The following PTPRG variants were observed in gnomAD, a reference collection of about 807,000 sequenced individuals.
PTPRG encodes receptor-type tyrosine-protein phosphatase gamma.
PTPRG carries 102 observed loss-of-function variants against 165.3 expected under a neutral mutation model. The ratio of observed to expected loss-of-function variants is 0.62; its 90% CI spans 0.53 to 0.73. The LOEUF (loss-of-function observed/expected upper bound fraction) is 0.73. Ranked by LOEUF, PTPRG falls within the 30% of genes least tolerant of loss-of-function variation. PTPRG has a pLI of 0.00. For missense variants in PTPRG, 1,866 were observed against 1,861.4 expected, an observed-to-expected ratio of 1.00 and a Z score of -0.05; for synonymous variants, 675 against 669.5, an observed-to-expected ratio of 1.01 and a Z score of -0.13.
At chr3:62,272,769 G>A (rs960946536) in intron 21 of PTPRG, among the ~76,000 whole-genome samples, 177 bp from the exon 22 acceptor site, 1 of 152,030 alleles carries the variant, frequency 6.6e-6, no homozygotes, top group East Asian at 1.9e-4. Flanking sequence ...ACTGGGAGGC[G>A]GAGGTTGCAG....
chr3:61,880,735 A>G (rs1007166588), intron 2 of PTPRG, among the ~76,000 whole-genome samples: 6 of 151,890 alleles, frequency 4.0e-5, no homozygotes, highest in African/African-American at 1.2e-4. Flanking sequence ...TGAAATGTTT[A>G]GCCAGAAATC....
In PTPRG at chr3:62,245,136, G is replaced by A. The variant is rs1701261468; in HGVS notation, c.2467+1238G>A. 6.6e-6 allele frequency among the ~76,000 whole-genome samples: 1 copy of A among 152,152 alleles called. No homozygotes were observed. Among genetic ancestry groups the A allele is most frequent in the African/African-American group, 2.4e-5 (1 of 41,432 alleles). On this transcript the variant is annotated intron_variant, in intron 15 of 29. Coordinates refer to ENST00000474889, the MANE Select transcript of PTPRG (RefSeq NM_002841.4). The surrounding 1 kb of genome is among the most constrained non-coding windows in gnomAD (Gnocchi z 4.2). ...GAAAGTCTCTGATTAACTTCCTGTT[G>A]GAGCATTTTGTGGCTGCTAAACTAA...
At chr3:62,096,329 C>T (rs918541174) in intron 5 of PTPRG, among the ~76,000 whole-genome samples, 1 of 152,142 alleles carries the variant, frequency 6.6e-6, no homozygotes, top group Admixed American at 6.5e-5. Flanking sequence ...AAATGCTGCT[C>T]ACTATCAGGT....
chr3:61,969,842 G>C (rs1303522921), intron 2 of PTPRG, among the ~76,000 whole-genome samples: 1 of 152,150 alleles, frequency 6.6e-6, no homozygotes, highest in African/African-American at 2.4e-5. Flanking sequence ...CCCTTGGAAA[G>C]CTGCACTGGG....
In PTPRG at chr3:62,213,649, G is replaced by A. The variant is rs1247814657; in HGVS notation, c.2156-5202G>A. ...ACTCAGGTCTGCCTGAGTCTGGGGT[G>A]CAGAATTGCCCATCTTGTGGCACGC... On this transcript the variant is annotated intron_variant, in intron 12 of 29. Transcript: ENST00000474889. This position sits in a 1 kb window ranked among gnomAD's most constrained non-coding sequence, Gnocchi z 4.4. 2.0e-5 allele frequency among the ~76,000 whole-genome samples: 3 copies of A among 152,162 alleles called. No individual in the cohort carries two copies. The highest frequency in any genetic ancestry group is 4.4e-5 in the Non-Finnish European group (3 of 68,032).
intron 6 of PTPRG, among the ~76,000 whole-genome samples, chr3:62,137,810 A>G (rs1483095552): frequency 6.6e-6 from 1 of 152,238 alleles, no homozygotes; most frequent in Non-Finnish European, 1.5e-5. Context: ...GTTGCATAGA[A>G]TAAGAGAAGA....
At chr3:61,653,903 G>GGGGA (rs56696186) in intron 1 of PTPRG, among the ~76,000 whole-genome samples, 2 of 137,920 alleles carry the variant, frequency 1.5e-5, no homozygotes, top group Admixed American at 7.4e-5. Context: ...GAGCGGTGGG[G>GGGGA]GGCGCGGGGA....
intron 1 of PTPRG, among the ~76,000 whole-genome samples, chr3:61,597,452 T>A (rs1032318072): frequency 6.6e-6 from 1 of 152,230 alleles, no homozygotes; most frequent in African/African-American, 2.4e-5. Context: ...CCTGACTGCA[T>A]ATTTGATGGA....
intron 4 of PTPRG, among the ~76,000 whole-genome samples, chr3:62,017,462 C>T (rs1260801503): frequency 2.0e-5 from 3 of 151,008 alleles, no homozygotes; most frequent in Non-Finnish European, 4.4e-5. Flanking sequence ...TTCGCCCAGG[C>T]TGGAGTGCAG....
chr3:61,712,994 C>T (rs1182251284), intron 1 of PTPRG, among the ~76,000 whole-genome samples: 1 of 152,050 alleles, frequency 6.6e-6, no homozygotes, highest in Admixed American at 6.6e-5. Flanking sequence ...TAGTAACATA[C>T]CAACTTCAGG....
At chr3:62,186,698 T>G (rs1699646592) in intron 8 of PTPRG, among the ~76,000 whole-genome samples, 2 of 151,688 alleles carry the variant, frequency 1.3e-5, no homozygotes, top group African/African-American at 2.4e-5. Flanking sequence ...CCTGAGTAGC[T>G]GGGACTATAG....
chr3:62,130,631 T>C (rs928085425), intron 5 of PTPRG, among the ~76,000 whole-genome samples: 3 of 152,178 alleles, frequency 2.0e-5, no homozygotes, highest in African/African-American at 7.2e-5. Flanking sequence ...GGATCCTTAT[T>C]TTATTCTATT....
intron 8 of PTPRG, among the ~76,000 whole-genome samples, 157 bp from the exon 9 acceptor site, chr3:62,191,302 TTCTCCCTCTC>T (rs1226639896): frequency 6.6e-6 from 1 of 151,936 alleles, no homozygotes; most frequent in African/African-American, 2.4e-5. Flanking sequence ...GAGAACAATG[TTCTCCCTCTC>T]TCTCTACACA....
chr3:61,630,418 A>G (rs1442457282), intron 1 of PTPRG, among the ~76,000 whole-genome samples: 1 of 152,236 alleles, frequency 6.6e-6, no homozygotes, highest in Non-Finnish European at 1.5e-5. Context: ...CGTTTAAAGC[A>G]CTAAACTGTA....
chr3:62,010,210 G>A (rs79782720), intron 4 of PTPRG, among the ~76,000 whole-genome samples: 8,520 of 152,238 alleles, frequency 0.056, 298 homozygotes, highest in African/African-American at 0.1. Context: ...GAGCCACCAT[G>A]CCTGGCCTGG....
intron 27 of PTPRG, among the ~76,000 whole-genome samples, 159 bp from the exon 28 acceptor site, chr3:62,282,568 C>T (rs1179374104): frequency 6.6e-6 from 1 of 151,052 alleles, no homozygotes; most frequent in African/African-American, 2.4e-5. Flanking sequence ...AAAAAAAAAC[C>T]TTCCTGGTAT....
At chr3:62,018,288 A>G (rs1449259830) in intron 4 of PTPRG, among the ~76,000 whole-genome samples, 2 of 152,200 alleles carry the variant, frequency 1.3e-5, no homozygotes, top group Non-Finnish European at 2.9e-5. Context: ...TTACTGGTAA[A>G]TGAAAAGAAA....
intron 5 of PTPRG, among the ~76,000 whole-genome samples, chr3:62,114,934 C>T (rs544059970): frequency 7.9e-5 from 12 of 152,274 alleles, no homozygotes; most frequent in South Asian, 4.1e-4. Flanking sequence ...GCCACCACAC[C>T]CAGCCATAAA....
At chr3:62,145,800 GT>G (rs1704098727) in intron 6 of PTPRG, among the ~76,000 whole-genome samples, 1 of 152,160 alleles carries the variant, frequency 6.6e-6, no homozygotes, top group Non-Finnish European at 1.5e-5. Flanking sequence ...GTAAAGTGAG[GT>G]TTTAGAGAGA....
Sources: gnomAD v4.1 joint callset for allele counts (sites outside exome capture counted in the v4.1 genomes callset) on GRCh38, gnomAD v4.1.1 for gene constraint, Gnocchi (gnomAD v3.1) non-coding constraint, MANE v1.5 for transcripts, NCBI Gene and HGNC (gene_info 2026-07-23, HGNC 2026-07-21) for gene names.